C18orf63: variants seen among roughly 807,000 people sequenced by gnomAD.
The protein encoded by C18orf63 is chromosome 18 open reading frame 63, also known as uncharacterized protein C18orf63.
Under a neutral mutation model 75.3 loss-of-function variants are expected in C18orf63, and 50 were observed. That is an observed-to-expected ratio of 0.66 (90% CI 0.53 to 0.84). C18orf63 has a LOEUF of 0.84. Ranked by LOEUF, C18orf63 falls within the 40% of genes least tolerant of loss-of-function variation. C18orf63 has a pLI of 0.00. For synonymous variants in C18orf63, 232 were observed against 267.6 expected, an observed-to-expected ratio of 0.87 and a Z score of 1.30; for missense variants, 732 against 800.2, an observed-to-expected ratio of 0.91 and a Z score of 1.03.
At chr18:74,328,932 T>C in intron 5 of C18orf63, 63 bp from the exon 6 acceptor site, 1 of 920,592 alleles carries the variant, frequency 1.1e-6, no homozygotes, top group Non-Finnish European at 1.7e-6. Flanking sequence ...AGCATAGTTA[T>C]AAATATCAAG....
intron 7 of C18orf63, among the ~76,000 whole-genome samples, chr18:74,332,825 G>T (rs1219558235): frequency 6.6e-6 from 1 of 152,010 alleles, no homozygotes; most frequent in African/African-American, 2.4e-5. Flanking sequence ...ATACTCACAT[G>T]CTTATTTCTA....
At chr18:74,346,892 A>G (rs1451945266) in intron 11 of C18orf63, among the ~76,000 whole-genome samples, 2 of 152,202 alleles carry the variant, frequency 1.3e-5, no homozygotes, top group African/African-American at 4.8e-5. Flanking sequence ...TGATCTTTGG[A>G]TAAAGAATTC....
intron 11 of C18orf63, among the ~76,000 whole-genome samples, chr18:74,344,385 A>G (rs1416242081): frequency 6.7e-6 from 1 of 148,398 alleles, no homozygotes; most frequent in Non-Finnish European, 1.5e-5. Flanking sequence ...GCATTTTTAA[A>G]ATCTATTCTT....
chr18:74,348,686 AT>A (rs909299486), intron 11 of C18orf63, among the ~76,000 whole-genome samples: 16 of 151,928 alleles, frequency 1.1e-4, no homozygotes, highest in African/African-American at 1.4e-4. Context: ...AATAAAGCAT[AT>A]TTTTTTTGTT....
intron 2 of C18orf63, among the ~76,000 whole-genome samples, chr18:74,320,200 G>A (rs1019414231): frequency 2.0e-5 from 3 of 152,184 alleles, no homozygotes; most frequent in Admixed American, 2.0e-4. Context: ...AGTTCCGCAA[G>A]CTTAACAGGA....
chr18:74,317,226 T>C (rs1250913408), intron 1 of C18orf63, among the ~76,000 whole-genome samples: 5 of 152,264 alleles, frequency 3.3e-5, no homozygotes, highest in Non-Finnish European at 5.9e-5. Flanking sequence ...TGCTTTACTT[T>C]TATATTCCAG....
chr18:74,318,367 G>C (rs1333145511), intron 2 of C18orf63, among the ~76,000 whole-genome samples: 2 of 152,092 alleles, frequency 1.3e-5, no homozygotes, highest in Admixed American at 6.5e-5. Context: ...TCCAGTAGGT[G>C]GGGCACTTAG....
chr18:74,317,784 C>T, intron 1 of C18orf63, 50 bp from the exon 2 acceptor site: 6 of 1,075,400 alleles, frequency 5.6e-6, no homozygotes, highest in East Asian at 2.8e-5. Context: ...GGTATTGGAA[C>T]TCTATTGGTA....
At chr18:74,334,367 T>C (rs1984357823) in intron 7 of C18orf63, among the ~76,000 whole-genome samples, 1 of 151,934 alleles carries the variant, frequency 6.6e-6, no homozygotes, top group Non-Finnish European at 1.5e-5. Context: ...GGCAAATGGT[T>C]ACATTCTTGT....
intron 1 of C18orf63, 67 bp from the exon 2 acceptor site, chr18:74,317,767 C>G (rs1460549155): frequency 3.4e-6 from 3 of 885,398 alleles, no homozygotes; most frequent in Non-Finnish European, 4.7e-6. Flanking sequence ...ATATTGTGTG[C>G]TGACTTGGTA....
Position 74,342,147 on chromosome 18 carries a change from T to A in C18orf63, c.708+19T>A, listed in dbSNP as rs1568238572. ...TGCCCTGGTAAGGAATGGAAATATA[T>A]GTTACATTAGAAGTTATTTGATTTT... is the stretch of plus-strand genomic sequence containing the variant. On this transcript the variant is annotated intron_variant, in intron 9 of 13. Coordinates refer to ENST00000579455, the MANE Select transcript of C18orf63 (RefSeq NM_001174123.2). The A allele has an allele frequency of 2.1e-6, 3 of 1,418,868 alleles. No individual in the cohort carries two copies. The highest frequency in any genetic ancestry group is 1.7e-4 in the Middle Eastern group (1 of 5,722). The allele number at this position is 1,418,868 out of a possible 1,614,324, so 87.9% of individuals were successfully genotyped here. A position where few individuals can be genotyped will look rare whatever the true frequency, so the allele number is the denominator to read the frequency against.
rs971507591 is a variant in C18orf63, at chr18:74,358,185, A to T, written c.*1738A>T. 3.3e-5 allele frequency: 5 copies of T among 152,144 alleles called. No individual in the cohort carries two copies. The highest frequency in any genetic ancestry group is 1.2e-4 in the African/African-American group (5 of 41,420). The allele number at this position is 152,144 out of a possible 1,614,324, so 9.4% of individuals were successfully genotyped here. On this transcript the variant is annotated 3_prime_UTR_variant, in exon 14 of 14. Transcript: ENST00000579455. ...CCAGTTCTTTATATAAATAATCTTG[A>T]TAGCCCCTCCTATACTCCATTAGTG...
intron 7 of C18orf63, among the ~76,000 whole-genome samples, chr18:74,331,253 T>G (rs957019657): frequency 6.6e-6 from 1 of 152,152 alleles, no homozygotes. Flanking sequence ...TGCCTCTTCT[T>G]TCACCTCCAA....
chr18:74,325,985 A>G (rs1984200921), intron 4 of C18orf63, among the ~76,000 whole-genome samples: 1 of 152,194 alleles, frequency 6.6e-6, no homozygotes, highest in African/African-American at 2.4e-5. Flanking sequence ...ATTTTGCTGT[A>G]TCTGGATTAA....
chr18:74,353,237 C>T lies in C18orf63; in HGVS notation c.979-9C>T, dbSNP rs1467185655. 7.2e-6 allele frequency: 11 copies of T among 1,518,416 alleles called. No individual in the cohort carries two copies. Among genetic ancestry groups the T allele is most frequent in the African/African-American group, 2.8e-5 (2 of 72,226 alleles). The allele number at this position is 1,518,416 out of a possible 1,614,324, so 94.1% of individuals were successfully genotyped here. ...TTTTAAATTTTTTTTTAATCTCTATCCTTTTCAGGAACACAAAGTCAAGCC... is the reference window on the plus strand; with the variant it reads ...TTTTAAATTTTTTTTTAATCTCTATTCTTTTCAGGAACACAAAGTCAAGCC... On this transcript the variant is annotated splice_polypyrimidine_tract_variant and intron_variant, in intron 11 of 13. Transcript: ENST00000579455.
At chr18:74,320,439 T>C (rs1029145260) in intron 2 of C18orf63, 74 bp from the exon 3 acceptor site, 1 of 1,018,336 alleles carries the variant, frequency 9.8e-7, no homozygotes, top group African/African-American at 1.6e-5. Context: ...GGATTATAAT[T>C]CAACATGAGA....
intron 11 of C18orf63, among the ~76,000 whole-genome samples, chr18:74,352,164 G>A (rs1417189744): frequency 6.6e-6 from 1 of 152,152 alleles, no homozygotes; most frequent in African/African-American, 2.4e-5. Flanking sequence ...AATATTGTAT[G>A]ATTCCACTTA....
At chr18:74,326,741 C>T (rs1034030996) in intron 4 of C18orf63, among the ~76,000 whole-genome samples, 5 of 152,254 alleles carry the variant, frequency 3.3e-5, no homozygotes, top group Admixed American at 6.5e-5. Context: ...ACTGTTATTT[C>T]GTATAACTTG....
chr18:74,326,505 G>T (rs1019934368), intron 4 of C18orf63, among the ~76,000 whole-genome samples: 1 of 152,144 alleles, frequency 6.6e-6, no homozygotes, highest in Non-Finnish European at 1.5e-5. Context: ...TTTGCTTTCT[G>T]TGCAGCTCCC....
Sources: gnomAD v4.1 joint callset for allele counts (sites outside exome capture counted in the v4.1 genomes callset) on GRCh38, gnomAD v4.1.1 for gene constraint, MANE v1.5 for transcripts, NCBI Gene and HGNC (gene_info 2026-07-23, HGNC 2026-07-21) for gene names.